Variants in NELL1 observed in about 807,000 individuals in gnomAD.
The protein encoded by NELL1 is neural EGFL like 1.
NELL1 carries 76 observed loss-of-function variants against 107.4 expected under a neutral mutation model. The observed-to-expected ratio is 0.71, with a 90% CI of 0.59 to 0.86. The LOEUF is 0.86. Ranked by LOEUF, NELL1 falls within the 40% of genes least tolerant of loss-of-function variation. NELL1 has a pLI of 0.00. For missense variants in NELL1, 1,024 were observed against 1,005.5 expected (o/e 1.02, Z -0.25); for synonymous variants, 353 against 341.2 (o/e 1.03, Z -0.38).
chr11:20,728,066 G>A (rs545342665), intron 2 of NELL1, among the ~76,000 whole-genome samples: 56 of 152,126 alleles, frequency 3.7e-4, no homozygotes, highest in Non-Finnish European at 7.1e-4. Context: ...GTCATGCTGA[G>A]CATTTTTTCA....
At chr11:21,481,620 C>G (rs1854494999) in intron 15 of NELL1, among the ~76,000 whole-genome samples, 1 of 152,080 alleles carries the variant, frequency 6.6e-6, no homozygotes, top group Admixed American at 6.6e-5. Flanking sequence ...AAGAAAATGC[C>G]CCTGCATGTT....
At chr11:21,227,839 T>A (rs946321360) in intron 13 of NELL1, among the ~76,000 whole-genome samples, 1 of 152,194 alleles carries the variant, frequency 6.6e-6, no homozygotes, top group African/African-American at 2.4e-5. Context: ...ATCAGATGCA[T>A]GTGTGTGCCC....
At chr11:21,087,011 C>A (rs1331545233) in intron 12 of NELL1, among the ~76,000 whole-genome samples, 2 of 151,658 alleles carry the variant, frequency 1.3e-5, no homozygotes, top group South Asian at 4.2e-4. Context: ...GCTAATTTTT[C>A]GTATTTTTTA....
intron 4 of NELL1, among the ~76,000 whole-genome samples, chr11:20,876,761 T>C (rs1200950006): frequency 6.6e-6 from 1 of 151,828 alleles, no homozygotes; most frequent in East Asian, 1.9e-4. Flanking sequence ...AGACTCCATC[T>C]CAAAAACAAA....
chr11:21,208,227 C>T (rs1031914662), intron 13 of NELL1, among the ~76,000 whole-genome samples: 22 of 151,740 alleles, frequency 1.4e-4, no homozygotes, highest in African/African-American at 5.3e-4. Context: ...AAACAAAACA[C>T]AATAAAAACC....
intron 15 of NELL1, among the ~76,000 whole-genome samples, chr11:21,388,018 T>G (rs1056682512): frequency 5.9e-5 from 9 of 151,726 alleles, no homozygotes; most frequent in African/African-American, 2.2e-4. Context: ...CTTATGTTTG[T>G]AAAGCTAAGA....
intron 2 of NELL1, among the ~76,000 whole-genome samples, chr11:20,713,437 C>T (rs1239702755): frequency 6.6e-6 from 1 of 152,106 alleles, no homozygotes; most frequent in Non-Finnish European, 1.5e-5. Flanking sequence ...ATATAGTTCA[C>T]CAGGGAAGTG....
chr11:21,123,298 T>A (rs757788302), intron 13 of NELL1, among the ~76,000 whole-genome samples: 2 of 151,562 alleles, frequency 1.3e-5, no homozygotes, highest in Non-Finnish European at 2.9e-5. Flanking sequence ...CTAAACAAAA[T>A]GTGGGTTTCT....
rs186669158 is a variant in NELL1, at chr11:21,112,461, T to C, written c.1301-1128T>C. ...AATACTGTATTTGACTAATCACCAT[T>C]TTCAAGAAGCTTTCATGAAGTAAAT... On this transcript the variant is annotated intron_variant, in intron 12 of 19. Transcript: ENST00000357134. 9.0e-3 allele frequency among the ~76,000 whole-genome samples: 1,371 copies of C among 152,142 alleles called. 16 individuals carry two copies. The highest frequency in any genetic ancestry group is 0.014 in the Non-Finnish European group (933 of 67,958).
chr11:21,398,047 T>G (rs1852019039), intron 15 of NELL1, among the ~76,000 whole-genome samples: 1 of 150,986 alleles, frequency 6.6e-6, no homozygotes, highest in Non-Finnish European at 1.5e-5. Context: ...AATAGTATAT[T>G]TATATATTAT....
At chr11:21,117,708 G>A (rs758498795) in intron 13 of NELL1, among the ~76,000 whole-genome samples, 13 of 151,916 alleles carry the variant, frequency 8.6e-5, no homozygotes, top group Non-Finnish European at 1.5e-4. Flanking sequence ...CAACAGAGGC[G>A]TTCTGCATAC....
At chr11:20,795,324 T>G (rs936722509) in intron 3 of NELL1, among the ~76,000 whole-genome samples, 21 of 152,088 alleles carry the variant, frequency 1.4e-4, no homozygotes, top group Admixed American at 4.6e-4. Context: ...TACCTGGAGG[T>G]AGTAATTGAA....
chr11:21,519,835 T>C (rs1855673173), intron 15 of NELL1, among the ~76,000 whole-genome samples: 1 of 152,164 alleles, frequency 6.6e-6, no homozygotes, highest in Non-Finnish European at 1.5e-5. Context: ...TCTGCCAGTG[T>C]AATTATAGTC....
chr11:20,689,475 C>T (rs36186532), intron 2 of NELL1, among the ~76,000 whole-genome samples: 25,669 of 131,138 alleles, frequency 0.2, 2,721 homozygotes, highest in African/African-American at 0.25. Context: ...GTGATGTTCC[C>T]CTTCCTGTGT....
chr11:21,134,126 T>A (rs1202130234), intron 13 of NELL1, among the ~76,000 whole-genome samples: 1 of 152,264 alleles, frequency 6.6e-6, no homozygotes, highest in East Asian at 1.9e-4. Flanking sequence ...ACACTTTACA[T>A]GACTATTGTC....
At chr11:21,269,133 AAAAC>A (rs1848691117) in intron 14 of NELL1, among the ~76,000 whole-genome samples, 1 of 152,230 alleles carries the variant, frequency 6.6e-6, no homozygotes, top group East Asian at 1.9e-4. Context: ...AACTGAGAAA[AAAAC>A]AAAACAAAAC....
At chr11:21,269,466 C>A (rs1848699351) in intron 14 of NELL1, among the ~76,000 whole-genome samples, 1 of 151,670 alleles carries the variant, frequency 6.6e-6, no homozygotes, top group African/African-American at 2.4e-5. Flanking sequence ...AAAAAAAATT[C>A]TTACCTAGAA....
chr11:21,133,447 C>A (rs1248861137), intron 13 of NELL1, among the ~76,000 whole-genome samples: 1 of 152,138 alleles, frequency 6.6e-6, no homozygotes, highest in Non-Finnish European at 1.5e-5. Context: ...CCTCTTGCCA[C>A]CATCAACCTG....
intron 4 of NELL1, among the ~76,000 whole-genome samples, chr11:20,857,662 T>C (rs944918614): frequency 1.3e-5 from 2 of 152,210 alleles, no homozygotes; most frequent in Non-Finnish European, 2.9e-5. Context: ...GGGAAGTACA[T>C]GCTCAGTCTC....
Sources: gnomAD v4.1 joint callset for allele counts (sites outside exome capture counted in the v4.1 genomes callset) on GRCh38, gnomAD v4.1.1 for gene constraint, MANE v1.5 for transcripts, NCBI Gene and HGNC (gene_info 2026-07-23, HGNC 2026-07-21) for gene names.